GRID2: variants seen among roughly 807,000 people sequenced by gnomAD.
GRID2 encodes the protein glutamate ionotropic receptor delta type subunit 2.
Under a neutral mutation model 114.8 loss-of-function variants are expected in GRID2, and 33 were observed. The ratio of observed to expected loss-of-function variants is 0.29; its 90% CI spans 0.22 to 0.38. The LOEUF is 0.38. GRID2 is among the 10% of genes least tolerant of loss of function. GRID2 has a pLI of 1.00. For missense variants in GRID2, 1,184 were observed against 1,257.7 expected, an observed-to-expected ratio of 0.94 and a Z score of 0.89; for synonymous variants, 505 against 449.9, an observed-to-expected ratio of 1.12 and a Z score of -1.55.
intron 8 of GRID2, among the ~76,000 whole-genome samples, chr4:93,251,928 G>A (rs1159852116): frequency 2.0e-5 from 3 of 152,100 alleles, no homozygotes; most frequent in Admixed American, 1.3e-4. Context: ...ATTGTGAATA[G>A]TGCTGCAGTG....
intron 2 of GRID2, among the ~76,000 whole-genome samples, chr4:92,959,822 G>A (rs189957508): frequency 6.6e-6 from 1 of 152,128 alleles, no homozygotes; most frequent in African/African-American, 2.4e-5. Context: ...CATGGACACA[G>A]GGAGGGGAAC....
At chr4:93,479,643 C>A (rs1030828736) in intron 11 of GRID2, among the ~76,000 whole-genome samples, 3 of 152,092 alleles carry the variant, frequency 2.0e-5, no homozygotes, top group African/African-American at 7.2e-5. Flanking sequence ...ACCAGGGATC[C>A]TGATGTCCAG....
chr4:92,620,367 C>T (rs1730209045), intron 2 of GRID2, among the ~76,000 whole-genome samples: 2 of 151,614 alleles, frequency 1.3e-5, no homozygotes, highest in Non-Finnish European at 2.9e-5. Flanking sequence ...CTAATAAAGT[C>T]TCAGGATAGT....
intron 11 of GRID2, among the ~76,000 whole-genome samples, chr4:93,465,625 A>T (rs1724194037): frequency 6.6e-6 from 1 of 152,190 alleles, no homozygotes; most frequent in African/African-American, 2.4e-5. Flanking sequence ...GGCACAGAAC[A>T]TTATAGTTAT....
At chr4:93,291,708 C>G (rs1237099726) in intron 8 of GRID2, among the ~76,000 whole-genome samples, 1 of 152,150 alleles carries the variant, frequency 6.6e-6, no homozygotes, top group Non-Finnish European at 1.5e-5. Context: ...TGTATATCCT[C>G]TCTTCAACAT....
intron 1 of GRID2, among the ~76,000 whole-genome samples, chr4:92,526,236 C>T (rs1476706104): frequency 6.6e-6 from 1 of 151,952 alleles, no homozygotes; most frequent in Non-Finnish European, 1.5e-5. Context: ...TTTCCCAGTG[C>T]TATAATGATA....
chr4:92,890,561 A>C (rs1179472565), intron 2 of GRID2, among the ~76,000 whole-genome samples: 1 of 152,238 alleles, frequency 6.6e-6, no homozygotes, highest in Non-Finnish European at 1.5e-5. Flanking sequence ...AACCACAATG[A>C]GATGCCATCA....
At position 93,702,875 on chromosome 4, in the gene GRID2, T is replaced by G. The variant is rs372542470; in HGVS notation, c.2361-66335T>G. ...AGAAAATAAATATAAATACATAATA[T>G]CTCAATTGGGAGAAGTACTATGGAT... On this transcript the variant is annotated intron_variant, in intron 14 of 15. Coordinates refer to ENST00000282020, the MANE Select transcript of GRID2 (RefSeq NM_001510.4). 5.3e-5 allele frequency among the ~76,000 whole-genome samples: 8 copies of G among 152,186 alleles called. No individual in the cohort carries two copies. In the South Asian group the frequency reaches 1.2e-3, roughly 24 times the overall value.
chr4:93,722,945 AC>A lies in GRID2; in HGVS notation c.2361-46261del, dbSNP rs563285743. Among the ~76,000 whole-genome samples the A allele has an allele frequency of 9.1e-4, 139 of 152,218 alleles. No individual in the cohort carries two copies. The Middle Eastern group carries it at 0.01, about 11-fold the overall frequency. On this transcript the variant is annotated intron_variant, in intron 14 of 15. Transcript: ENST00000282020. ...AACAGATACTGAAAACCATGTAACC[AC>A]CCCAGGTTATCCCACTCCAACTTCT... is the stretch of plus-strand genomic sequence containing the variant.
At chr4:92,722,379 T>C (rs1351371917) in intron 2 of GRID2, among the ~76,000 whole-genome samples, 1 of 152,136 alleles carries the variant, frequency 6.6e-6, no homozygotes, top group Non-Finnish European at 1.5e-5. Flanking sequence ...CCTTACCTCA[T>C]GTTCTTTCTC....
At chr4:92,879,729 T>A (rs1745872296) in intron 2 of GRID2, among the ~76,000 whole-genome samples, 1 of 152,238 alleles carries the variant, frequency 6.6e-6, no homozygotes, top group South Asian at 2.1e-4. Context: ...AAAATAAGCT[T>A]TAATCACATT....
intron 2 of GRID2, among the ~76,000 whole-genome samples, chr4:92,617,712 T>C (rs548461367): frequency 4.0e-5 from 6 of 151,868 alleles, no homozygotes; most frequent in African/African-American, 1.4e-4. Flanking sequence ...AACTACAGTA[T>C]GATACAACAT....
intron 2 of GRID2, among the ~76,000 whole-genome samples, chr4:92,977,385 G>GA (rs1156255006): frequency 5.3e-5 from 8 of 152,272 alleles, no homozygotes; most frequent in Middle Eastern, 6.8e-3. Flanking sequence ...TCAAGGTTAA[G>GA]AAAGAACATG....
intron 14 of GRID2, among the ~76,000 whole-genome samples, chr4:93,703,567 C>A (rs1173255559): frequency 6.6e-6 from 1 of 151,862 alleles, no homozygotes; most frequent in East Asian, 1.9e-4. Context: ...CATACGTAAA[C>A]ATGTGCCATG....
At chr4:92,647,021 T>G (rs965238039) in intron 2 of GRID2, among the ~76,000 whole-genome samples, 3 of 152,226 alleles carry the variant, frequency 2.0e-5, no homozygotes, top group African/African-American at 7.2e-5. Context: ...ACTTGTTCCC[T>G]AAAAAGCTAA....
At chr4:93,259,855 AG>A (rs1392196700) in intron 8 of GRID2, among the ~76,000 whole-genome samples, 1 of 151,768 alleles carries the variant, frequency 6.6e-6, no homozygotes, top group Non-Finnish European at 1.5e-5. Context: ...TCTAAGTGAT[AG>A]GGGGCATGTG....
intron 1 of GRID2, among the ~76,000 whole-genome samples, chr4:92,576,245 G>A (rs894570182): frequency 6.6e-6 from 1 of 152,186 alleles, no homozygotes; most frequent in South Asian, 2.1e-4. Context: ...CCATGTTCTG[G>A]CAAAGCAGCT....
intron 4 of GRID2, among the ~76,000 whole-genome samples, chr4:93,145,463 A>ATT (rs1169985258): frequency 8.3e-6 from 1 of 120,764 alleles, no homozygotes; most frequent in African/African-American, 3.7e-5. Flanking sequence ...GTATTTATTT[A>ATT]TTTATTTATT....
chr4:92,305,194 C>T (rs1409600534), intron 1 of GRID2, among the ~76,000 whole-genome samples: 1 of 152,164 alleles, frequency 6.6e-6, no homozygotes, highest in Non-Finnish European at 1.5e-5. Flanking sequence ...GGGGGAGCTC[C>T]CTTCGGATCG....
Sources: allele counts gnomAD v4.1 joint callset (sites outside exome capture counted in the v4.1 genomes callset), GRCh38; gene constraint gnomAD v4.1.1; transcripts MANE v1.5; gene names NCBI Gene and HGNC (gene_info 2026-07-23, HGNC 2026-07-21).